PTPRA: variants seen among roughly 807,000 people sequenced by gnomAD.
PTPRA encodes receptor-type tyrosine-protein phosphatase alpha.
In PTPRA, 25 loss-of-function variants were observed where a neutral mutation model predicts 104.8. The observed-to-expected ratio is 0.24, with a 90% confidence interval of 0.17 to 0.33. PTPRA has a LOEUF of 0.33. Ranked by LOEUF, PTPRA falls within the 10% of genes least tolerant of loss-of-function variation. The pLI, the probability that PTPRA is intolerant of heterozygous loss-of-function variation, is 1.00. For missense variants in PTPRA, 765 were observed against 1,015.3 expected, an observed-to-expected ratio of 0.75 and a Z score of 3.35; for synonymous variants, 323 against 368.9, an observed-to-expected ratio of 0.88 and a Z score of 1.43.
intron 2 of PTPRA, among the ~76,000 whole-genome samples, chr20:2,925,902 T>C (rs190942305): frequency 4.9e-4 from 75 of 152,256 alleles, no homozygotes; most frequent in African/African-American, 1.8e-3. Context: ...TTGAGTATAT[T>C]CTTAGAAGTA....
intron 20 of PTPRA, among the ~76,000 whole-genome samples, chr20:3,029,540 C>CTTTATTTTTTTTTTTTTTTTT (rs2065322061): frequency 1.3e-5 from 1 of 78,084 alleles, no homozygotes; most frequent in Non-Finnish European, 2.3e-5. Flanking sequence ...TCTTCATCAT[C>CTTTATTTTTTTTTTTTTTTTT]TTTTTTTTTT....
intron 13 of PTPRA, among the ~76,000 whole-genome samples, 191 bp downstream of exon 13, chr20:3,018,104 C>G (rs2064559426): frequency 6.6e-6 from 1 of 152,224 alleles, no homozygotes; most frequent in Non-Finnish European, 1.5e-5. Flanking sequence ...GCCTAGAGCA[C>G]ATTCCCTGTA....
intron 1 of PTPRA, among the ~76,000 whole-genome samples, chr20:2,877,915 G>C (rs1395583917): frequency 6.6e-6 from 1 of 152,204 alleles, no homozygotes; most frequent in African/African-American, 2.4e-5. Context: ...CACTTTGGGA[G>C]GCTGAGGCAG....
chr20:3,022,243 A>T lies in PTPRA; in HGVS notation c.1328+23A>T. ...CAGGTCAGTGTGGCCTGACCCTTGT[A>T]CCCCCACCCCCACATTTCGCCCCCA... is the stretch of plus-strand genomic sequence containing the variant. On this transcript the variant is annotated intron_variant, in intron 15 of 23. Transcript: ENST00000399903. The surrounding 1 kb of genome is among the most constrained non-coding windows in gnomAD (Gnocchi z 4.6). 6 of 1,611,122 alleles carry T rather than the reference A, an allele frequency of 3.7e-6. No individual in the cohort carries two copies. The highest frequency in any genetic ancestry group is 5.1e-6 in the Non-Finnish European group (6 of 1,178,022).
intron 2 of PTPRA, among the ~76,000 whole-genome samples, chr20:2,940,400 C>T (rs1236604657): frequency 6.6e-6 from 1 of 151,880 alleles, no homozygotes; most frequent in Non-Finnish European, 1.5e-5. Flanking sequence ...AGGCAATCCT[C>T]CTCCCTCAGC....
At chr20:2,988,606 G>A (rs1282948218) in intron 9 of PTPRA, 132 bp downstream of exon 9, 4 of 1,292,366 alleles carry the variant, frequency 3.1e-6, no homozygotes, top group South Asian at 1.5e-5. Flanking sequence ...GTTTTACCAA[G>A]TTTATCTGAC....
At chr20:3,009,645 C>G (rs189857289) in intron 11 of PTPRA, among the ~76,000 whole-genome samples, 1 of 152,172 alleles carries the variant, frequency 6.6e-6, no homozygotes, top group Non-Finnish European at 1.5e-5. Flanking sequence ...GGGACCCTGA[C>G]TAGACAAATA....
At chr20:2,896,976 A>T (rs11087558) in intron 1 of PTPRA, among the ~76,000 whole-genome samples, 32,728 of 152,124 alleles carry the variant, frequency 0.22, 3,984 homozygotes, top group East Asian at 0.36. Context: ...CAAGTCCCAC[A>T]ATTTGGGTTA....
At chr20:3,017,188 T>C (rs1568698888) in intron 12 of PTPRA, among the ~76,000 whole-genome samples, 1 of 152,212 alleles carries the variant, frequency 6.6e-6, no homozygotes, top group Non-Finnish European at 1.5e-5. Context: ...GGGATCCTTC[T>C]AGAATCTTCT....
chr20:3,002,201 G>A (rs2063662276), intron 9 of PTPRA, among the ~76,000 whole-genome samples: 1 of 151,844 alleles, frequency 6.6e-6, no homozygotes, highest in African/African-American at 2.4e-5. Flanking sequence ...CCTTTGGGTT[G>A]GCATTTCCTT....
At chr20:2,982,174 T>C (rs1344257340) in intron 6 of PTPRA, among the ~76,000 whole-genome samples, 1 of 147,702 alleles carries the variant, frequency 6.8e-6, no homozygotes, top group African/African-American at 2.5e-5. Flanking sequence ...CACTGAAACC[T>C]CCGCCTCCTG....
At chr20:3,030,142 A>G (rs1206357927) in intron 20 of PTPRA, among the ~76,000 whole-genome samples, 2 of 152,312 alleles carry the variant, frequency 1.3e-5, no homozygotes, top group African/African-American at 4.8e-5. Context: ...CTGTGATAAA[A>G]TGTGGCCCAG....
chr20:2,865,087 G>A, the PTPRA span: 26 of 1,614,104 alleles, frequency 1.6e-5, no homozygotes, highest in South Asian at 6.6e-5. This position sits in a 1 kb window ranked among gnomAD's most constrained non-coding sequence, Gnocchi z 5.2. Flanking sequence ...GAGCCTCCTC[G>A]TCTCCTGGTC....
intron 1 of PTPRA, among the ~76,000 whole-genome samples, chr20:2,875,666 A>G (rs1263118077): frequency 6.6e-6 from 1 of 152,214 alleles, no homozygotes; most frequent in Non-Finnish European, 1.5e-5. Context: ...GTGACAAGCT[A>G]TGTAATGTTT....
intron 9 of PTPRA, among the ~76,000 whole-genome samples, chr20:3,003,027 A>T (rs1415586335): frequency 6.6e-6 from 1 of 151,976 alleles, no homozygotes; most frequent in Non-Finnish European, 1.5e-5. Context: ...TTCTATACTC[A>T]TCCTTCCTCA....
chr20:2,936,216 T>A (rs987752920), intron 2 of PTPRA, among the ~76,000 whole-genome samples: 1 of 152,166 alleles, frequency 6.6e-6, no homozygotes, highest in Non-Finnish European at 1.5e-5. Flanking sequence ...CTGTACTTAT[T>A]TACCTTCTCA....
At chr20:2,945,018 A>G (rs1311415823) in intron 2 of PTPRA, among the ~76,000 whole-genome samples, 1 of 152,044 alleles carries the variant, frequency 6.6e-6, no homozygotes, top group East Asian at 1.9e-4. Context: ...TGTATCCTTT[A>G]TACCTCTTAC....
chr20:2,908,858 T>C (rs1251871061), intron 1 of PTPRA, among the ~76,000 whole-genome samples: 2 of 152,218 alleles, frequency 1.3e-5, no homozygotes, highest in African/African-American at 4.8e-5. Flanking sequence ...GTCAAAATAA[T>C]AACGACTTTT....
In PTPRA at chr20:2,950,822, C is replaced by T. The variant is rs1400916749; in HGVS notation, c.-7+2798C>T. 1.3e-5 allele frequency among the ~76,000 whole-genome samples: 2 copies of T among 151,958 alleles called. No individual in the cohort carries two copies. The highest frequency in any genetic ancestry group is 4.8e-5 in the African/African-American group (2 of 41,398). On this transcript the variant is annotated intron_variant, in intron 3 of 23. Transcript: ENST00000399903. This position sits in a 1 kb window ranked among gnomAD's most constrained non-coding sequence, Gnocchi z 4.0. ...AACTTTATAATTGATGTAACAATAA[C>T]CTGTACACATTTAAAGTGTAAAATT...
Sources: allele counts gnomAD v4.1 joint callset (sites outside exome capture counted in the v4.1 genomes callset), GRCh38; gene constraint gnomAD v4.1.1; non-coding constraint Gnocchi (gnomAD v3.1); transcripts MANE v1.5; gene names NCBI Gene and HGNC (gene_info 2026-07-23, HGNC 2026-07-21).